The following EMSY variants were observed in gnomAD, a reference collection of about 807,000 sequenced individuals.
EMSY encodes BRCA2-interacting transcriptional repressor EMSY.
In EMSY, 26 loss-of-function variants were observed where a neutral mutation model predicts 134.6. The observed-to-expected ratio is 0.19, with a 90% CI of 0.14 to 0.27. The LOEUF is 0.27. Among genes scored for constraint, EMSY ranks in the 10% least tolerant of loss-of-function variants. The pLI, the probability that EMSY is intolerant of heterozygous loss-of-function variation, is 1.00. For synonymous variants in EMSY, 579 were observed against 577.8 expected (o/e 1.00, Z -0.03); for missense variants, 1,305 against 1,611.4 (o/e 0.81, Z 3.26).
downstream of EMSY, chr11:76,552,161 CATTT>C (rs1378929818): frequency 6.6e-6 from 1 of 152,096 alleles, no homozygotes; most frequent in African/African-American, 2.4e-5. Context: ...AGCATGCATT[CATTT>C]ATTTATTCAA....
chr11:76,479,947 A>C (rs567306469), intron 8 of EMSY, among the ~76,000 whole-genome samples: 13 of 152,336 alleles, frequency 8.5e-5, no homozygotes, highest in Admixed American at 1.3e-4. Flanking sequence ...ATGAACTAAA[A>C]ATTGAAGGAA....
chr11:76,469,366 A>C (rs1346211881), intron 7 of EMSY, among the ~76,000 whole-genome samples: 1 of 152,214 alleles, frequency 6.6e-6, no homozygotes, highest in Non-Finnish European at 1.5e-5. Flanking sequence ...CAGAACTGGC[A>C]AAAGTGAACC....
intron 11 of EMSY, among the ~76,000 whole-genome samples, chr11:76,519,742 T>C (rs1473094885): frequency 1.3e-5 from 2 of 152,228 alleles, no homozygotes; most frequent in Admixed American, 6.5e-5. Flanking sequence ...CTACCTATTA[T>C]AATGCCCAAA....
chr11:76,509,550 G>T (rs1327219862), intron 9 of EMSY, among the ~76,000 whole-genome samples: 1 of 151,970 alleles, frequency 6.6e-6, no homozygotes, highest in Non-Finnish European at 1.5e-5. Context: ...GTACTGAGAA[G>T]CACAATAAAG....
rs148932730 is a variant in EMSY, at chr11:76,550,777, C to G, written c.*631C>G. On this transcript the variant is annotated 3_prime_UTR_variant, in exon 21 of 21. Transcript: ENST00000334736. Reference sequence around the variant, plus strand: ...TGTGTGCTAATTTATTGTATTGTTCCTTTGTGCTCTAAGCAGCACACTTGC... The same window carrying G: ...TGTGTGCTAATTTATTGTATTGTTCGTTTGTGCTCTAAGCAGCACACTTGC... 997 of 152,376 alleles carry G rather than the reference C, an allele frequency of 6.5e-3. 4 individuals are homozygous for G. The highest frequency in any genetic ancestry group is 9.7e-3 in the Non-Finnish European group (663 of 68,014). 9.4% of individuals were successfully genotyped at this position (152,376 alleles called of 1,614,324 possible). A position where few individuals can be genotyped will look rare whatever the true frequency, so the allele number is the denominator to read the frequency against.
At chr11:76,516,102 G>A (rs772764769) in intron 10 of EMSY, 40 bp from the exon 12 acceptor site, 13 of 1,524,716 alleles carry the variant, frequency 8.5e-6, no homozygotes, top group Non-Finnish European at 1.2e-5. Context: ...TCTTCTGTAA[G>A]CAATGACAAG....
intron 8 of EMSY, among the ~76,000 whole-genome samples, chr11:76,494,021 T>C (rs564683505): frequency 6.6e-6 from 1 of 152,216 alleles, no homozygotes; most frequent in Non-Finnish European, 1.5e-5. Context: ...CGCCACTGTG[T>C]TCTCGTTCAG....
At chr11:76,526,464 A>C in exon 13 of EMSY, 2 of 1,595,374 alleles carry the variant, frequency 1.3e-6, no homozygotes, top group Non-Finnish European at 1.7e-6. Flanking sequence ...CAATTTAGGG[A>C]GAAAAGACTA....
At chr11:76,463,629 CAAA>C (rs567081751) in intron 6 of EMSY, among the ~76,000 whole-genome samples, 189 bp from the exon 8 acceptor site, 49 of 94,842 alleles carry the variant, frequency 5.2e-4, no homozygotes, top group East Asian at 2.2e-3. Flanking sequence ...GACTCCGTCT[CAAA>C]AAAAAAAAAA....
chr11:76,548,029 A>G (rs535264566), intron 20 of EMSY, among the ~76,000 whole-genome samples: 1 of 152,292 alleles, frequency 6.6e-6, no homozygotes, highest in South Asian at 2.1e-4. Flanking sequence ...AAACTAACCT[A>G]TATATCTCTT....
At chr11:76,523,226 G>A (rs752667785) in exon 12 of EMSY, 9 of 1,613,630 alleles carry the variant, frequency 5.6e-6, no homozygotes, top group Non-Finnish European at 8.5e-7. Flanking sequence ...AAAGACTACA[G>A]GAAAAGGAAC....
intron 17 of EMSY, among the ~76,000 whole-genome samples, chr11:76,541,135 A>G (rs1951424372): frequency 6.6e-6 from 1 of 152,236 alleles, no homozygotes; most frequent in Non-Finnish European, 1.5e-5. Context: ...CTGAGGCATG[A>G]GAGTAACTTG....
intron 10 of EMSY, among the ~76,000 whole-genome samples, chr11:76,514,859 A>G (rs1429579909): frequency 6.6e-6 from 1 of 152,072 alleles, no homozygotes; most frequent in Non-Finnish European, 1.5e-5. Flanking sequence ...TACTTCCCCT[A>G]AACTTTTCTA....
At chr11:76,462,686 G>A (rs1008299746) in intron 6 of EMSY, among the ~76,000 whole-genome samples, 1 of 152,186 alleles carries the variant, frequency 6.6e-6, no homozygotes, top group African/African-American at 2.4e-5. Context: ...GAGATGGATA[G>A]AATGTGGTTA....
At chr11:76,463,113 C>T (rs1342364134) in intron 6 of EMSY, among the ~76,000 whole-genome samples, 1 of 150,336 alleles carries the variant, frequency 6.7e-6, no homozygotes, top group Non-Finnish European at 1.5e-5. Context: ...GTCAGGAGGT[C>T]AAGACCAGCC....
intron 7 of EMSY, among the ~76,000 whole-genome samples, chr11:76,468,915 T>C: frequency 6.6e-6 from 1 of 152,190 alleles, no homozygotes; most frequent in East Asian, 1.9e-4. Context: ...ATTTGAATTA[T>C]GGCCTGAATA....
At chr11:76,451,297 G>A (rs1283231360) in intron 2 of EMSY, among the ~76,000 whole-genome samples, 1 of 152,164 alleles carries the variant, frequency 6.6e-6, no homozygotes, top group Non-Finnish European at 1.5e-5. Context: ...TTCTAGGTAA[G>A]GAAACAGGTT....
intron 1 of EMSY, among the ~76,000 whole-genome samples, chr11:76,446,090 C>T (rs74461739): frequency 2.5e-3 from 387 of 152,076 alleles, no homozygotes; most frequent in African/African-American, 9.0e-3. Context: ...TGCTCAGTCG[C>T]GTCAACCATT....
chr11:76,458,403 A>C (rs754875607), intron 5 of EMSY, 45 bp downstream of exon 6: 11 of 1,479,834 alleles, frequency 7.4e-6, no homozygotes, highest in Non-Finnish European at 9.9e-6. Flanking sequence ...TTTTCTTAGA[A>C]TCTTCAAGAA....
Sources: allele counts gnomAD v4.1 joint callset (sites outside exome capture counted in the v4.1 genomes callset), GRCh38; gene constraint gnomAD v4.1.1; transcripts MANE v1.5; gene names NCBI Gene and HGNC (gene_info 2026-07-23, HGNC 2026-07-21).